The following LPP variants were observed in gnomAD, a reference collection of about 807,000 sequenced individuals.
LPP encodes the protein lipoma-preferred partner.
LPP carries 38 observed loss-of-function variants against 60.4 expected under a neutral mutation model. That is an observed-to-expected ratio of 0.63 (90% CI 0.49 to 0.83). LPP has a LOEUF of 0.83. LPP is among the 40% of genes least tolerant of loss of function. The pLI is 0.00. For missense variants in LPP, 902 were observed against 783.6 expected (o/e 1.15, Z -1.80); for synonymous variants, 328 against 290.8 (o/e 1.13, Z -1.30).
chr3:188,662,902 C>T lies in LPP; in HGVS notation c.1114-45365C>T, dbSNP rs186351913. Reference sequence around the variant, plus strand: ...CATTATTCCAGGTGTCTGAGTAATGCGAAGAAAAGATCAAATTCCCTGTTG... The same window carrying T: ...CATTATTCCAGGTGTCTGAGTAATGTGAAGAAAAGATCAAATTCCCTGTTG... On this transcript the variant is annotated intron_variant, in intron 7 of 11. Transcript: ENST00000617246. 2.9e-3 allele frequency among the ~76,000 whole-genome samples: 449 copies of T among 152,276 alleles called. 3 individuals carry two copies. The highest frequency in any genetic ancestry group is 0.01 in the African/African-American group (425 of 41,556).
chr3:188,364,564 G>C (rs960187261), intron 3 of LPP, among the ~76,000 whole-genome samples: 2 of 152,158 alleles, frequency 1.3e-5, no homozygotes, highest in African/African-American at 4.8e-5. Context: ...TTAGAGGAGA[G>C]AGATGTTAGT....
intron 3 of LPP, among the ~76,000 whole-genome samples, chr3:188,348,201 C>CA: frequency 6.6e-6 from 1 of 151,766 alleles, no homozygotes; most frequent in South Asian, 2.1e-4. Context: ...GGCTGGAGTG[C>CA]ACCGGCATGA....
intron 2 of LPP, among the ~76,000 whole-genome samples, chr3:188,226,948 T>A (rs571584869): frequency 1.2e-3 from 186 of 152,314 alleles, no homozygotes; most frequent in African/African-American, 4.4e-3. Flanking sequence ...CTGTTAAAAT[T>A]TCAAACATGA....
chr3:188,672,444 G>A (rs910592293), intron 7 of LPP, among the ~76,000 whole-genome samples: 16 of 152,064 alleles, frequency 1.1e-4, no homozygotes, highest in African/African-American at 3.6e-4. Flanking sequence ...TTATTAATTT[G>A]TTGTTGTCGT....
chr3:188,813,022 A>G (rs770491267), intron 9 of LPP, among the ~76,000 whole-genome samples: 3 of 152,090 alleles, frequency 2.0e-5, no homozygotes, highest in Non-Finnish European at 4.4e-5. Context: ...TAGCTTCTGT[A>G]TTTCCACTCA....
intron 1 of LPP, among the ~76,000 whole-genome samples, chr3:188,205,653 G>A (rs1214156267): frequency 5.3e-5 from 8 of 152,164 alleles, no homozygotes; most frequent in Non-Finnish European, 7.4e-5. Context: ...TCTACGCCAT[G>A]TGTTGCCCAT....
chr3:188,413,124 T>C (rs1159072133), intron 4 of LPP, among the ~76,000 whole-genome samples: 1 of 152,132 alleles, frequency 6.6e-6, no homozygotes, highest in Non-Finnish European at 1.5e-5. Flanking sequence ...ACATTTGTTT[T>C]CTTAGCAGAT....
intron 6 of LPP, among the ~76,000 whole-genome samples, chr3:188,594,309 G>A (rs1473083869): frequency 6.6e-6 from 1 of 152,156 alleles, no homozygotes; most frequent in East Asian, 1.9e-4. Context: ...TGTGCCTAAA[G>A]CAATTCAGCA....
chr3:188,786,112 G>A (rs1212862905), intron 9 of LPP, among the ~76,000 whole-genome samples: 1 of 152,034 alleles, frequency 6.6e-6, no homozygotes, highest in Admixed American at 6.6e-5. Flanking sequence ...GGGCCCGGTG[G>A]CTCATGCTTG....
chr3:188,708,306 C>A lies in LPP; in HGVS notation c.1153C>A (p.Pro385Thr). The change falls in exon 8 of 12, where the codon CCT becomes ACT. Residue 385 changes from proline (P) to threonine (T), a missense_variant. Coordinates refer to ENST00000617246, the MANE Select transcript of LPP (RefSeq NM_001375462.1). ...SGQLGPSSVA[P>T]SFRPEDELEH... ...GCAACTGGGGCCTTCGTCAGTTGCC[C>A]CTTCATTCCGCCCAGAGGATGAGCT... 6.2e-7 allele frequency: 1 copy of A among 1,614,128 alleles called. No individual in the cohort carries two copies. The highest frequency in any genetic ancestry group is 1.1e-5 in the South Asian group (1 of 91,084).
intron 7 of LPP, among the ~76,000 whole-genome samples, chr3:188,626,110 A>G (rs1485412730): frequency 3.3e-5 from 5 of 152,296 alleles, no homozygotes; most frequent in East Asian, 1.9e-4. Flanking sequence ...TTCTGTATGC[A>G]TAAAAGTATT....
At chr3:188,658,057 A>G (rs2378419) in intron 7 of LPP, among the ~76,000 whole-genome samples, 149,886 of 152,284 alleles carry the variant, frequency 0.98, 73,804 homozygotes, top group East Asian at 1. Flanking sequence ...TGACAGTGAC[A>G]ACGAATGAGT....
chr3:188,751,268 G>C (rs766891558), intron 8 of LPP, among the ~76,000 whole-genome samples: 41 of 152,302 alleles, frequency 2.7e-4, no homozygotes, highest in Non-Finnish European at 3.8e-4. Flanking sequence ...CCTTTGAGTG[G>C]ACCTAAGGGA....
At chr3:188,382,426 A>G (rs1777145460) in intron 3 of LPP, among the ~76,000 whole-genome samples, 1 of 152,218 alleles carries the variant, frequency 6.6e-6, no homozygotes, top group South Asian at 2.1e-4. Context: ...ATAAAATGAG[A>G]TTAATAATAA....
chr3:188,679,562 T>TGTGTGTGTGTGTGTGTGTGTGC (rs539053363), intron 7 of LPP, among the ~76,000 whole-genome samples: 1 of 124,048 alleles, frequency 8.1e-6, no homozygotes, highest in Non-Finnish European at 1.8e-5. Context: ...TGTGTGTGTG[T>TGTGTGTGTGTGTGTGTGTGTGC]GCGCGCGCGC....
chr3:188,303,925 T>A (rs1324843764), intron 2 of LPP, among the ~76,000 whole-genome samples: 2 of 152,198 alleles, frequency 1.3e-5, no homozygotes, highest in Non-Finnish European at 2.9e-5. Context: ...GTAAAAGGAC[T>A]AGTATCAACT....
chr3:188,360,531 T>C (rs1768972208), intron 3 of LPP, among the ~76,000 whole-genome samples: 1 of 152,106 alleles, frequency 6.6e-6, no homozygotes, highest in Non-Finnish European at 1.5e-5. Flanking sequence ...ACTTTTTTTT[T>C]CTTTTTGTGG....
intron 7 of LPP, among the ~76,000 whole-genome samples, chr3:188,681,121 C>T (rs113271115): frequency 6.6e-5 from 10 of 151,794 alleles, no homozygotes; most frequent in African/African-American, 1.4e-4. Flanking sequence ...CTCAGCCTCT[C>T]GAGTAGCTGG....
intron 7 of LPP, among the ~76,000 whole-genome samples, chr3:188,621,893 C>T (rs1845871609): frequency 6.6e-6 from 1 of 152,146 alleles, no homozygotes; most frequent in South Asian, 2.1e-4. Context: ...CTCCTGACCT[C>T]AGGTGATCCA....
Sources: allele counts gnomAD v4.1 joint callset (sites outside exome capture counted in the v4.1 genomes callset), GRCh38; gene constraint gnomAD v4.1.1; transcripts MANE v1.5; gene names NCBI Gene and HGNC (gene_info 2026-07-23, HGNC 2026-07-21).